The following CCDC14 variants were observed in gnomAD, a reference collection of about 807,000 sequenced individuals.
The protein encoded by CCDC14 is coiled-coil domain containing 14, also known as coiled-coil domain-containing protein 14.
Under a neutral mutation model 81.4 loss-of-function variants are expected in CCDC14, and 71 were observed. That is an observed-to-expected ratio of 0.87 (90% confidence interval 0.72 to 1.06). The LOEUF (loss-of-function observed/expected upper bound fraction) is 1.06, where lower values mean the gene tolerates loss of function less well. CCDC14 is among the 50% of genes least tolerant of loss of function. The probability of loss-of-function intolerance (pLI) is 0.00; values close to 1 mark genes in which losing one functional copy is unlikely to be tolerated. For synonymous variants in CCDC14, 332 were observed against 364.8 expected (o/e 0.91, Z 1.03); for missense variants, 1,046 against 1,047.3 (o/e 1.00, Z 0.02).
chr3:123,899,304 T>C (rs1360501266), intron 5 of CCDC14, among the ~76,000 whole-genome samples: 1 of 152,234 alleles, frequency 6.6e-6, no homozygotes, highest in Admixed American at 6.5e-5. Context: ...CCTTGAGTAC[T>C]CCACCCTAGC....
At chr3:123,892,462 T>G (rs2034003602), downstream of CCDC14, among the ~76,000 whole-genome samples, 1 of 152,198 alleles carries the variant, frequency 6.6e-6, no homozygotes, top group Non-Finnish European at 1.5e-5. Flanking sequence ...GGGGCTACAG[T>G]GAAGGTCTCT....
chr3:123,901,894 CAACA>C (rs1425564171), intron 5 of CCDC14, among the ~76,000 whole-genome samples: 1 of 151,762 alleles, frequency 6.6e-6, no homozygotes. Flanking sequence ...TCAAAAGGCC[CAACA>C]AACATATGAA....
intron 12 of CCDC14, among the ~76,000 whole-genome samples, chr3:123,929,922 A>G (rs1466538664): frequency 6.6e-6 from 1 of 152,230 alleles, no homozygotes; most frequent in Non-Finnish European, 1.5e-5. Context: ...TTCTCACCAC[A>G]AAATTATTCC....
chr3:123,912,567 C>T (rs2034472866), downstream of CCDC14, among the ~76,000 whole-genome samples: 1 of 152,138 alleles, frequency 6.6e-6, no homozygotes, highest in Non-Finnish European at 1.5e-5. Flanking sequence ...CAATTTGCCT[C>T]TCCTTTTTCA....
chr3:123,886,485 C>T, the CCDC14 span, among the ~76,000 whole-genome samples: 1 of 152,204 alleles, frequency 6.6e-6, no homozygotes, highest in African/African-American at 2.4e-5. Flanking sequence ...GCAACCTCCA[C>T]ATCCCTGGTT....
At chr3:123,955,747 T>G (rs2037285963) in intron 5 of CCDC14, 96 bp downstream of exon 5, 2 of 1,151,176 alleles carry the variant, frequency 1.7e-6, no homozygotes, top group Non-Finnish European at 2.4e-6. Flanking sequence ...CTAATACTGA[T>G]TATTAAAATG....
At position 123,914,723 on chromosome 3, in the gene CCDC14, C is replaced by T. The variant is rs867855159; in HGVS notation, c.*56G>A. On this transcript the variant is annotated 3_prime_UTR_variant, in exon 13 of 13. Coordinates refer to ENST00000409697, the MANE Select transcript of CCDC14 (RefSeq NM_001366335.1). ...ATTTCACTAAAGAAAAATACACATT[C>T]AATATAGCCAAGTTCTAGTTTTAAA... 5.5e-6 allele frequency: 8 copies of T among 1,455,884 alleles called. No homozygotes were observed. In the Middle Eastern group the frequency reaches 9.4e-4, roughly 171 times the overall value. The allele number at this position is 1,455,884 out of a possible 1,614,324, so 90.2% of individuals were successfully genotyped here.
At chr3:123,923,592 A>T (rs905917131) in intron 12 of CCDC14, among the ~76,000 whole-genome samples, 15 of 152,206 alleles carry the variant, frequency 9.9e-5, no homozygotes, top group Non-Finnish European at 2.2e-4. Flanking sequence ...AACATAAAAA[A>T]TCAGTAACAT....
intron 12 of CCDC14, among the ~76,000 whole-genome samples, chr3:123,917,502 AAAAAAAACAAAAAAC>A (rs1577227122): frequency 2.8e-5 from 4 of 143,492 alleles, no homozygotes; most frequent in Admixed American, 2.3e-4. Context: ...CTCAACCAAA[AAAAAAAACAAAAAAC>A]AAAAAAACCC....
chr3:123,885,789 GATTC>G, the CCDC14 span, among the ~76,000 whole-genome samples: 4 of 152,064 alleles, frequency 2.6e-5, no homozygotes, highest in African/African-American at 9.7e-5. Context: ...TCAATTCCTA[GATTC>G]ATTAATTAAT....
At chr3:123,898,849 T>C (rs1279337635) in intron 5 of CCDC14, among the ~76,000 whole-genome samples, 1 of 150,456 alleles carries the variant, frequency 6.6e-6, no homozygotes, top group Admixed American at 6.7e-5. Context: ...CACAATGCCC[T>C]GCTAATTTTT....
intron 5 of CCDC14, among the ~76,000 whole-genome samples, chr3:123,901,444 AC>A (rs1325659308): frequency 6.6e-6 from 1 of 152,092 alleles, no homozygotes; most frequent in East Asian, 1.9e-4. Flanking sequence ...AAAAAGTTGA[AC>A]TTTTTTTTTT....
At position 123,914,801 on chromosome 3, in the gene CCDC14, C is replaced by A; in HGVS notation, c.2696G>T (p.Arg899Met). ...AATTCATTTCTCCAGAAGACCAGTC[C>A]TTAAAGACTTCTGGAGTCTAGCTAT... ...ANIARLQKSL[R>M]TGLLEK The change falls in exon 13 of 13, where the codon AGG becomes ATG. Residue 899 changes from arginine (R) to methionine (M), a missense_variant. Arg to Met is a moderately conservative substitution (Grantham distance 91). Coordinates refer to ENST00000409697, the MANE Select transcript of CCDC14 (RefSeq NM_001366335.1). 1 of 1,560,958 alleles carries A rather than the reference C, an allele frequency of 6.4e-7. No homozygotes were observed. Among genetic ancestry groups the A allele is most frequent in the South Asian group, 1.2e-5 (1 of 83,976 alleles).
At chr3:123,960,586 T>A (rs2037622754) in intron 1 of CCDC14, among the ~76,000 whole-genome samples, 1 of 152,232 alleles carries the variant, frequency 6.6e-6, no homozygotes, top group Non-Finnish European at 1.5e-5. Context: ...GCACTTACAG[T>A]AGCATCTGCC....
intron 5 of CCDC14, among the ~76,000 whole-genome samples, chr3:123,907,713 AT>A (rs1035112019): frequency 1.3e-4 from 19 of 150,992 alleles, no homozygotes; most frequent in East Asian, 1.9e-4. Flanking sequence ...AATAAAAAAA[AT>A]ATAATAAAAA....
rs1456565247 is a variant in CCDC14 at position 123,956,750 on chromosome 3, C to T, written c.76G>A (p.Gly26Arg). The part of the protein sequence containing the change: ...RHTGPAKLTN[G>R]KKATYLRKIP... ...TCTTCAAGTACTTACGCTTTCTTTC[C>T]ATTTGTTAATTTAGCAGGTCCAGTG... Residue 26 changes from glycine to arginine, a missense_variant, in exon 2 of 13, where the codon GGA (glycine) becomes AGA (arginine). Coordinates refer to ENST00000409697, the MANE Select transcript of CCDC14 (RefSeq NM_001366335.1). The T allele has an allele frequency of 6.5e-7, 1 of 1,547,452 alleles. No homozygotes were observed. Among genetic ancestry groups the T allele is most frequent in the Admixed American group, 2.0e-5 (1 of 50,714 alleles).
At chr3:123,932,260 G>C (rs978464575) in intron 10 of CCDC14, among the ~76,000 whole-genome samples, 1 of 152,054 alleles carries the variant, frequency 6.6e-6, no homozygotes, top group African/African-American at 2.4e-5. Flanking sequence ...ATATAAATAA[G>C]AGAAGCTATT....
At chr3:123,919,936 A>G (rs1373598383) in intron 12 of CCDC14, among the ~76,000 whole-genome samples, 1 of 152,234 alleles carries the variant, frequency 6.6e-6, no homozygotes, top group Non-Finnish European at 1.5e-5. Context: ...AAGAAATGAG[A>G]GACAAAGAAT....
Position 123,913,715 on chromosome 3 carries a change from G to C in CCDC14, c.*1064C>G, listed in dbSNP as rs2034507715. On this transcript the variant is annotated 3_prime_UTR_variant, in exon 13 of 13. Coordinates refer to ENST00000409697, the MANE Select transcript of CCDC14 (RefSeq NM_001366335.1). ...ACCAAAAAAACAAAAAACACGAGGA[G>C]GTTCTGGGATTAGGAGAACACTCTT... 1.0e-6 allele frequency: 1 copy of C among 983,434 alleles called. No individual in the cohort carries two copies. The highest frequency in any genetic ancestry group is 6.2e-5 in the Admixed American group (1 of 16,052). The allele number at this position is 983,434 out of a possible 1,614,324, so 60.9% of individuals were successfully genotyped here.
Sources: gnomAD v4.1 joint callset for allele counts (sites outside exome capture counted in the v4.1 genomes callset) on GRCh38, gnomAD v4.1.1 for gene constraint, MANE v1.5 for transcripts, NCBI Gene and HGNC (gene_info 2026-07-23, HGNC 2026-07-21) for gene names.